SBF2: variants seen among roughly 807,000 people sequenced by gnomAD.
SBF2 encodes SET binding factor 2.
A neutral mutation model predicts 225.2 loss-of-function variants in SBF2; 112 were observed. That is an observed-to-expected ratio of 0.50 (90% CI 0.43 to 0.58). The LOEUF is 0.58. Among genes scored for constraint, SBF2 ranks in the 20% least tolerant of loss-of-function variants. SBF2 has a pLI of 0.00. For synonymous variants in SBF2, 763 were observed against 773.3 expected (o/e 0.99, Z 0.22); for missense variants, 1,996 against 2,206.2 (o/e 0.90, Z 1.91).
chr11:10,241,725 GA>G (rs1959227518), intron 1 of SBF2, among the ~76,000 whole-genome samples: 1 of 152,048 alleles, frequency 6.6e-6, no homozygotes, highest in East Asian at 1.9e-4. Context: ...TCAAGAAACT[GA>G]AAATCCGAGA....
At chr11:9,833,109 C>T (rs897200604) in intron 26 of SBF2, among the ~76,000 whole-genome samples, 2 of 152,110 alleles carry the variant, frequency 1.3e-5, no homozygotes, top group Non-Finnish European at 2.9e-5. Flanking sequence ...TATTAGACTG[C>T]CTGAGATGGT....
intron 2 of SBF2, among the ~76,000 whole-genome samples, chr11:10,173,205 G>A (rs1477586195): frequency 3.3e-5 from 5 of 152,230 alleles, no homozygotes; most frequent in Non-Finnish European, 7.3e-5. Flanking sequence ...CCCAGCGTGA[G>A]CGACGCAGAA....
At chr11:10,169,435 A>T (rs1956102459) in intron 2 of SBF2, among the ~76,000 whole-genome samples, 1 of 152,122 alleles carries the variant, frequency 6.6e-6, no homozygotes, top group South Asian at 2.1e-4. Context: ...GAGAATGTGC[A>T]AAGTTTGTCT....
At chr11:9,963,028 G>C (rs1174882605) in intron 15 of SBF2, among the ~76,000 whole-genome samples, 2 of 152,096 alleles carry the variant, frequency 1.3e-5, no homozygotes, top group South Asian at 2.1e-4. Flanking sequence ...CAGTAAGAAA[G>C]GGTTACATTA....
intron 6 of SBF2, among the ~76,000 whole-genome samples, chr11:10,027,314 T>A (rs1369392430): frequency 6.6e-6 from 1 of 152,202 alleles, no homozygotes. Flanking sequence ...TCATTTTAAT[T>A]CAGATATTAG....
At chr11:10,151,004 C>T (rs190062497) in intron 2 of SBF2, among the ~76,000 whole-genome samples, 269 of 152,276 alleles carry the variant, frequency 1.8e-3, no homozygotes, top group African/African-American at 6.2e-3. Context: ...CACCAGTCAG[C>T]ATTTCTTGTA....
intron 16 of SBF2, among the ~76,000 whole-genome samples, chr11:9,945,984 G>A (rs1012324955): frequency 6.6e-6 from 1 of 152,114 alleles, no homozygotes; most frequent in African/African-American, 2.4e-5. Flanking sequence ...CTTTGCTGGT[G>A]GGAATGTAAA....
At chr11:9,801,151 G>C (rs1270964884) in intron 32 of SBF2, among the ~76,000 whole-genome samples, 7 of 152,304 alleles carry the variant, frequency 4.6e-5, no homozygotes, top group Admixed American at 1.3e-4. Context: ...GTGATGAATA[G>C]AGTTTTAGGC....
chr11:9,795,035 T>C (rs962663632), intron 33 of SBF2, among the ~76,000 whole-genome samples: 2 of 152,202 alleles, frequency 1.3e-5, no homozygotes, highest in African/African-American at 4.8e-5. Flanking sequence ...ATATAATATA[T>C]TGAACAGAAC....
At chr11:10,145,206 C>T (rs549667069) in intron 2 of SBF2, among the ~76,000 whole-genome samples, 1 of 152,294 alleles carries the variant, frequency 6.6e-6, no homozygotes, top group African/African-American at 2.4e-5. Context: ...ATACGCCTGG[C>T]ACCTGGGCTA....
intron 2 of SBF2, among the ~76,000 whole-genome samples, chr11:10,123,737 A>C (rs1187514267): frequency 1.3e-5 from 2 of 152,104 alleles, no homozygotes; most frequent in African/African-American, 2.4e-5. Flanking sequence ...AATAAGCTTT[A>C]TTGTCTGCAT....
chr11:9,787,508 C>T (rs1590083136), intron 36 of SBF2, 126 bp downstream of exon 36: 2 of 768,296 alleles, frequency 2.6e-6, no homozygotes, highest in East Asian at 5.3e-5. Flanking sequence ...CATGACCCCT[C>T]CCCTTTCCAC....
chr11:10,155,985 G>A (rs1284285825), intron 2 of SBF2, among the ~76,000 whole-genome samples: 1 of 152,182 alleles, frequency 6.6e-6, no homozygotes, highest in African/African-American at 2.4e-5. Flanking sequence ...GGGACAGGTG[G>A]GAGCCCCGCC....
At chr11:10,209,766 T>G (rs567479970) in intron 1 of SBF2, among the ~76,000 whole-genome samples, 1 of 152,194 alleles carries the variant, frequency 6.6e-6, no homozygotes, top group African/African-American at 2.4e-5. Context: ...TAGGATTATG[T>G]TCCACTGCAT....
intron 16 of SBF2, among the ~76,000 whole-genome samples, chr11:9,941,580 T>C (rs1358715322): frequency 6.6e-6 from 1 of 152,182 alleles, no homozygotes; most frequent in Non-Finnish European, 1.5e-5. Flanking sequence ...AAGAATGAGA[T>C]AGAGCTGTAC....
chr11:9,870,872 G>A (rs559412876), intron 17 of SBF2, among the ~76,000 whole-genome samples: 4 of 151,970 alleles, frequency 2.6e-5, no homozygotes, highest in South Asian at 2.1e-4. Context: ...TACTTGGGAG[G>A]CTGAGGCAGC....
chr11:9,929,950 A>G (rs545025639), intron 16 of SBF2, among the ~76,000 whole-genome samples: 35 of 151,868 alleles, frequency 2.3e-4, no homozygotes, highest in Non-Finnish European at 4.7e-4. Flanking sequence ...TTCAGCTCCC[A>G]TGGACACAGG....
intron 28 of SBF2, among the ~76,000 whole-genome samples, chr11:9,823,959 A>G (rs1362108488): frequency 6.6e-6 from 1 of 152,240 alleles, no homozygotes; most frequent in Non-Finnish European, 1.5e-5. Context: ...TTAAGATACC[A>G]TAATGACAAG....
At chr11:10,085,801 T>G (rs1211988855) in intron 2 of SBF2, among the ~76,000 whole-genome samples, 1 of 152,068 alleles carries the variant, frequency 6.6e-6, no homozygotes, top group African/African-American at 2.4e-5. Flanking sequence ...TCCCTGCTCA[T>G]ACCTGTCTGT....
Sources: gnomAD v4.1 joint callset for allele counts (sites outside exome capture counted in the v4.1 genomes callset) on GRCh38, gnomAD v4.1.1 for gene constraint, MANE v1.5 for transcripts, NCBI Gene and HGNC (gene_info 2026-07-23, HGNC 2026-07-21) for gene names.